Variants in AKNA observed in about 807,000 individuals in gnomAD.
AKNA encodes the protein microtubule organization protein AKNA.
AKNA carries 67 observed loss-of-function variants against 138.8 expected under a neutral mutation model. The observed-to-expected ratio is 0.48, with a 90% CI of 0.40 to 0.59. The LOEUF is 0.59. Among genes scored for constraint, AKNA ranks in the 20% least tolerant of loss-of-function variants. The probability of loss-of-function intolerance (pLI) is 0.00; values close to 1 mark genes in which losing one functional copy is unlikely to be tolerated. For missense variants in AKNA, 1,813 were observed against 1,880.4 expected (o/e 0.96, Z 0.66); for synonymous variants, 737 against 754.4 (o/e 0.98, Z 0.38).
Position 114,345,848 on chromosome 9 carries a change from TC to T in AKNA, c.3661+14del, listed in dbSNP as rs764138616. ...CCAGGAGCTGCACCCATCCCGGCCC[TC>T]CCTCCTGACCTACCTGTGTATTGGC... is the stretch of plus-strand genomic sequence containing the variant. On this transcript the variant is annotated intron_variant, in intron 18 of 21. Transcript: ENST00000374088. The T allele has an allele frequency of 1.9e-6, 3 of 1,612,626 alleles. No homozygotes were observed. Among genetic ancestry groups the T allele is most frequent in the Non-Finnish European group, 2.5e-6 (3 of 1,178,974 alleles).
In AKNA at chr9:114,387,976, C is replaced by T; in HGVS notation, c.-230G>A. On this transcript the variant is annotated 5_prime_UTR_variant, in exon 1 of 22. Coordinates refer to ENST00000374088, the MANE Select transcript of AKNA (RefSeq NM_001317950.2). ...CATTGCGCCCTGGCCCACCTCCAGG[C>T]CGTTCTGCCAGCCCAAGCTGCTGCT... 2.4e-6 allele frequency: 1 copy of T among 418,128 alleles called. No homozygotes were observed. The highest frequency in any genetic ancestry group is 5.0e-6 in the Non-Finnish European group (1 of 201,432). 25.9% of individuals were successfully genotyped at this position (418,128 alleles called of 1,614,324 possible).
chr9:114,337,900 G>A (rs1415504378), intron 21 of AKNA, among the ~76,000 whole-genome samples: 4 of 152,218 alleles, frequency 2.6e-5, no homozygotes, highest in Non-Finnish European at 5.9e-5. Context: ...GGAATGTGAG[G>A]TGTTGTTTTA....
intron 7 of AKNA, 74 bp from the exon 8 acceptor site, chr9:114,362,607 G>A: frequency 2.0e-6 from 3 of 1,514,580 alleles, no homozygotes; most frequent in South Asian, 2.5e-5. Context: ...CACAGTGGAT[G>A]AGACAGCTTG....
chr9:114,352,222 GA>G (rs994475608), intron 14 of AKNA, among the ~76,000 whole-genome samples: 31 of 152,276 alleles, frequency 2.0e-4, no homozygotes, highest in African/African-American at 7.2e-4. Context: ...TCTCACTGGG[GA>G]AAACTGAGTA....
intron 14 of AKNA, among the ~76,000 whole-genome samples, chr9:114,355,040 A>T (rs1316950319): frequency 1.3e-5 from 2 of 151,414 alleles, no homozygotes; most frequent in Admixed American, 6.6e-5. Flanking sequence ...ACACCTGGCT[A>T]ATTTTTGTAT....
chr9:114,369,437 T>C (rs747836170), intron 4 of AKNA, among the ~76,000 whole-genome samples: 3 of 152,330 alleles, frequency 2.0e-5, no homozygotes, highest in Non-Finnish European at 4.4e-5. Flanking sequence ...AAGCCAAACA[T>C]TGTCACAATC....
At chr9:114,359,493 T>C (rs1831759708) in intron 11 of AKNA, 101 bp downstream of exon 11, 5 of 1,592,726 alleles carry the variant, frequency 3.1e-6, no homozygotes, top group Non-Finnish European at 8.5e-7. Context: ...AGGTAAGCCA[T>C]GTCTAAACTG....
At chr9:114,366,198 T>C (rs1832341028) in intron 6 of AKNA, among the ~76,000 whole-genome samples, 1 of 150,914 alleles carries the variant, frequency 6.6e-6, no homozygotes, top group Non-Finnish European at 1.5e-5. Context: ...GAGAATTGCT[T>C]GAACCCGGGA....
At chr9:114,338,214 G>A (rs1830123070) in intron 21 of AKNA, among the ~76,000 whole-genome samples, 4 of 152,226 alleles carry the variant, frequency 2.6e-5, no homozygotes, top group African/African-American at 7.2e-5. Flanking sequence ...AACTTGCATT[G>A]TTATACAGTG....
At chr9:114,388,040 C>CCCCTG (rs1240601148), upstream of AKNA, 7 of 271,490 alleles carry the variant, frequency 2.6e-5, 1 homozygote, top group South Asian at 1.1e-4. Flanking sequence ...CCCGCCCCTG[C>CCCCTG]CGTGGTTGAG....
upstream of AKNA, among the ~76,000 whole-genome samples, chr9:114,389,702 C>G (rs1311308935): frequency 3.9e-5 from 6 of 152,224 alleles, no homozygotes; most frequent in African/African-American, 1.4e-4. Flanking sequence ...AGTCTCTGGT[C>G]TCCTCTAAAG....
rs1319897437 is a variant in AKNA at position 114,336,122 on chromosome 9, A to C, written c.*932T>G. The C allele has an allele frequency of 1.3e-5, 2 of 152,606 alleles. No homozygotes were observed. The highest frequency in any genetic ancestry group is 4.8e-5 in the African/African-American group (2 of 41,476). The allele number at this position is 152,606 out of a possible 1,614,324, so 9.5% of individuals were successfully genotyped here. On this transcript the variant is annotated 3_prime_UTR_variant, in exon 22 of 22. Coordinates refer to ENST00000374088, the MANE Select transcript of AKNA (RefSeq NM_001317950.2). ...AAAGTTAATGACATACAGCAGAGAC[A>C]CGGATGGCTTTGGGTATTTTTTTTG... is the stretch of plus-strand genomic sequence containing the variant.
Position 114,345,917 on chromosome 9 carries a change from C to T in AKNA, c.3607G>A (p.Gly1203Arg). ...TCTGGCCATCCAGCACTGCCCACCC[C>T]TCTCTTTCCATCCCGAGCTGCCTGT... ...SPQAARDGKR[G>R]VGSAGWPDRV... Residue 1203 changes from glycine (G) to arginine (R), a missense_variant, in exon 18 of 22, where the codon GGG (glycine) becomes AGG (arginine). Coordinates refer to ENST00000374088, the MANE Select transcript of AKNA (RefSeq NM_001317950.2). The T allele has an allele frequency of 6.2e-7, 1 of 1,614,076 alleles. No individual in the cohort carries two copies. Among genetic ancestry groups the T allele is most frequent in the South Asian group, 1.1e-5 (1 of 91,074 alleles).
At chr9:114,375,979 T>A (rs1833141564) in intron 3 of AKNA, 1 of 443,244 alleles carries the variant, frequency 2.3e-6, no homozygotes, top group Non-Finnish European at 4.5e-6. Context: ...CCCCAGGGCT[T>A]CCTGCCCAAG....
chr9:114,397,549 CAT>C (rs1008990202), upstream of AKNA, among the ~76,000 whole-genome samples: 2 of 152,186 alleles, frequency 1.3e-5, no homozygotes, highest in African/African-American at 2.4e-5. Flanking sequence ...GGTCTTTAAA[CAT>C]AGGTAATGAT....
downstream of AKNA, chr9:114,331,864 T>G (rs927904604): frequency 1.2e-6 from 2 of 1,613,442 alleles, no homozygotes; most frequent in African/African-American, 2.7e-5. Context: ...ACTGGGAGAG[T>G]TCTACGAAGC....
At position 114,361,833 on chromosome 9, in the gene AKNA, C is replaced by G. The variant is rs201983294; in HGVS notation, c.1995G>C (p.Glu665Asp). Residue 665 changes from glutamate (E) to aspartate (D), a missense_variant, in exon 9 of 22, where the codon GAG becomes GAC. Physicochemically the swap from Glu to Asp is conservative, Grantham distance 45. Coordinates refer to ENST00000374088, the MANE Select transcript of AKNA (RefSeq NM_001317950.2). ...CTGAGTCTGACCCGGGCGGCTCAGG[C>G]TCTTGCTGGGTCTGGTCTATGTGTT... ...LKEHIDQTQQ[E>D]PEPPGSDSAL... The G allele has an allele frequency of 3.4e-5, 55 of 1,612,908 alleles. No individual in the cohort carries two copies. In the Admixed American group the frequency reaches 9.0e-4, roughly 26 times the overall value.
intron 1 of AKNA, 92 bp downstream of exon 1, chr9:114,387,768 G>A: frequency 4.3e-6 from 1 of 231,008 alleles, no homozygotes; most frequent in Non-Finnish European, 9.8e-6. Flanking sequence ...GGCTGGGCTG[G>A]TCCGGCTGCC....
At chr9:114,371,453 C>A (rs1243473288) in intron 4 of AKNA, among the ~76,000 whole-genome samples, 5 of 152,254 alleles carry the variant, frequency 3.3e-5, no homozygotes, top group Non-Finnish European at 7.3e-5. Context: ...CACCTCATCC[C>A]TATGCCTGTC....
Sources: allele counts gnomAD v4.1 joint callset (sites outside exome capture counted in the v4.1 genomes callset), GRCh38; gene constraint gnomAD v4.1.1; transcripts MANE v1.5; gene names NCBI Gene and HGNC (gene_info 2026-07-23, HGNC 2026-07-21).